TSC1: variants seen among roughly 807,000 people sequenced by gnomAD.
TSC1 encodes TSC complex subunit 1.
Under a neutral mutation model 124.3 loss-of-function variants are expected in TSC1, and 20 were observed. That is an observed-to-expected ratio of 0.16 (90% CI 0.11 to 0.23). TSC1 has a LOEUF of 0.23. TSC1 is among the 10% of genes least tolerant of loss of function. The pLI, the probability that TSC1 is intolerant of heterozygous loss-of-function variation, is 1.00. For missense variants in TSC1, 1,124 were observed against 1,448.5 expected (o/e 0.78, Z 3.64); for synonymous variants, 493 against 539.1 (o/e 0.91, Z 1.19).
intron 5 of TSC1, among the ~76,000 whole-genome samples, 166 bp downstream of exon 5, chr9:132,925,421 C>CT (rs1264411178): frequency 6.6e-6 from 1 of 152,196 alleles, no homozygotes; most frequent in Non-Finnish European, 1.5e-5. Context: ...TATTTGAGAA[C>CT]TTACTAAGTA....
intron 2 of TSC1, among the ~76,000 whole-genome samples, chr9:132,930,068 T>C (rs1847122338): frequency 6.6e-6 from 1 of 152,200 alleles, no homozygotes; most frequent in Admixed American, 6.5e-5. Context: ...CACTTCCTTT[T>C]CTTTCAGTAA....
rs11364856 is a variant in TSC1, at chr9:132,911,625, T to TAAA, written c.914-60_914-58dup. The TAAA allele has an allele frequency of 1.7e-3, 287 of 169,118 alleles. 2 individuals are homozygous for TAAA. Among genetic ancestry groups the TAAA allele is most frequent in the African/African-American group, 4.8e-3 (88 of 18,438 alleles). 10.5% of individuals were successfully genotyped at this position (169,118 alleles called of 1,614,324 possible). On this transcript the variant is annotated intron_variant, in intron 9 of 22. Transcript: ENST00000298552. ...GTGTGTGGTTTTAGGTTATTCTGGT[T>TAAA]AAAAAAAAAAAAAAAAAAAAAAAAA...
At chr9:132,930,852 C>A (rs1847163508) in intron 2 of TSC1, among the ~76,000 whole-genome samples, 1 of 152,132 alleles carries the variant, frequency 6.6e-6, no homozygotes, top group African/African-American at 2.4e-5. Flanking sequence ...AAATAAAAAT[C>A]TTACAAGTAA....
At position 132,907,425 on chromosome 9, in the gene TSC1, C is replaced by T. The variant is rs1453403510; in HGVS notation, c.1264-55G>A. 17 of 1,403,050 alleles carry T rather than the reference C, an allele frequency of 1.2e-5. 1 individual carries two copies. Among genetic ancestry groups the T allele is most frequent in the South Asian group, 8.1e-5 (7 of 86,492 alleles). 86.9% of individuals were successfully genotyped at this position (1,403,050 alleles called of 1,614,324 possible). A position where few individuals can be genotyped will look rare whatever the true frequency, so the allele number is the denominator to read the frequency against. ...AGACGAAAAATGTTGCACATGTTCTCGAGCATATTGTAAAGTAGTTTAAAG... is the reference window on the plus strand; with the variant it reads ...AGACGAAAAATGTTGCACATGTTCTTGAGCATATTGTAAAGTAGTTTAAAG... On this transcript the variant is annotated intron_variant, in intron 12 of 22. Coordinates refer to ENST00000298552, the MANE Select transcript of TSC1 (RefSeq NM_000368.5).
chr9:132,944,584 C>A lies in TSC1; in HGVS notation c.-185G>T. Reference sequence around the variant, plus strand: ...CTCAGCTGTTTACCTCACAGTCCCTCCAGCCTACAGGGCGCCGCCATCTTG... The same window carrying A: ...CTCAGCTGTTTACCTCACAGTCCCTACAGCCTACAGGGCGCCGCCATCTTG... On this transcript the variant is annotated 5_prime_UTR_variant, in exon 1 of 23. The change creates a premature stop within an existing upstream ORF in the 5' untranslated region. Transcript: ENST00000298552. 2.5e-6 allele frequency: 1 copy of A among 398,988 alleles called. No homozygotes were observed. The highest frequency in any genetic ancestry group is 4.4e-6 in the Non-Finnish European group (1 of 226,348). 24.7% of individuals were successfully genotyped at this position (398,988 alleles called of 1,614,324 possible). A position where few individuals can be genotyped will look rare whatever the true frequency, so the allele number is the denominator to read the frequency against.
chr9:132,910,391 C>T lies in TSC1; in HGVS notation c.1263+180G>A, dbSNP rs962084348. ...CTGCCAAAGCAGAGTTTTGGAACCA[C>T]CCAGGGGTCGGCAGATCACACCTTG... On this transcript the variant is annotated intron_variant, in intron 12 of 22. Coordinates refer to ENST00000298552, the MANE Select transcript of TSC1 (RefSeq NM_000368.5). The T allele has an allele frequency of 6.0e-6, 7 of 1,164,802 alleles. No homozygotes were observed. The East Asian group carries it at 7.5e-5, about 12-fold the overall frequency. 72.2% of individuals were successfully genotyped at this position (1,164,802 alleles called of 1,614,324 possible).
At chr9:132,931,951 A>T (rs1354018651) in intron 2 of TSC1, among the ~76,000 whole-genome samples, 1 of 152,200 alleles carries the variant, frequency 6.6e-6, no homozygotes, top group East Asian at 1.9e-4. Flanking sequence ...CTGGCTGAGA[A>T]AAGTCAATTA....
rs899266919 is a variant in TSC1 at position 132,892,078 on chromosome 9, C to T, written c.*4157G>A. On this transcript the variant is annotated 3_prime_UTR_variant, in exon 23 of 23. Transcript: ENST00000298552. ...GCTCGGCTCTTCCAGGCAGGCTTCC[C>T]TTGTAGCTACAGCTACTCTTCCCTC... 1 of 233,072 alleles carries T rather than the reference C, an allele frequency of 4.3e-6. No homozygotes were observed. Among genetic ancestry groups the T allele is most frequent in the Non-Finnish European group, 8.5e-6 (1 of 117,990 alleles). 14.4% of individuals were successfully genotyped at this position (233,072 alleles called of 1,614,324 possible).
intron 5 of TSC1, chr9:132,925,072 A>C (rs1846778123): frequency 6.1e-6 from 1 of 162,832 alleles, no homozygotes; most frequent in Non-Finnish European, 1.3e-5. Flanking sequence ...TAAAACCATA[A>C]AGTTCTATTT....
chr9:132,920,356 G>T (rs1318580232), intron 8 of TSC1, among the ~76,000 whole-genome samples: 1 of 152,162 alleles, frequency 6.6e-6, no homozygotes, highest in African/African-American at 2.4e-5. Context: ...ATGATTAAAA[G>T]CAACAATGGT....
chr9:132,903,721 G>C lies in TSC1; in HGVS notation c.2138C>G (p.Ala713Gly), dbSNP rs1286421874. Residue 713 changes from alanine (A) to glycine (G), a missense_variant, in exon 17 of 23, where the codon GCC becomes GGC. Around this residue, in one of 5 missense-constraint regions of TSC1, gnomAD observed 321 missense variants for 397.4 expected, o/e 0.81. Coordinates refer to ENST00000298552, the MANE Select transcript of TSC1 (RefSeq NM_000368.5). The surrounding 1 kb of genome is among the most constrained non-coding windows in gnomAD (Gnocchi z 5.9). Reference sequence around the variant, plus strand: ...GCGGAGGAGCCGCCTGTTCCGGAGGGCATGCTGCTGCCTCTTAAAACGCTC... The same window carrying C: ...GCGGAGGAGCCGCCTGTTCCGGAGGCCATGCTGCTGCCTCTTAAAACGCTC... ...LYERFKRQQHALRNRRLLRKV... is the reference protein window; with the variant it reads ...LYERFKRQQHGLRNRRLLRKV... The C allele has an allele frequency of 6.2e-7, 1 of 1,613,228 alleles. No individual in the cohort carries two copies. Among genetic ancestry groups the C allele is most frequent in the Non-Finnish European group, 8.5e-7 (1 of 1,180,026 alleles).
At chr9:132,908,758 C>T (rs935280603) in intron 12 of TSC1, among the ~76,000 whole-genome samples, 3 of 151,700 alleles carry the variant, frequency 2.0e-5, no homozygotes, top group South Asian at 2.1e-4. Context: ...AAAAAGTAAA[C>T]GTATGTTGAC....
At chr9:132,897,050 T>G in intron 22 of TSC1, 134 bp downstream of exon 22, 1 of 1,416,626 alleles carries the variant, frequency 7.1e-7, no homozygotes, top group Non-Finnish European at 9.9e-7. Context: ...TCAGAGTGGG[T>G]CTCTGACACG....
intron 4 of TSC1, chr9:132,926,834 C>T: frequency 3.2e-6 from 1 of 310,918 alleles, no homozygotes; most frequent in Non-Finnish European, 6.2e-6. Flanking sequence ...ACCACCACGC[C>T]CAGCTAATTT....
chr9:132,935,832 AAATG>A (rs1483935275), intron 1 of TSC1, among the ~76,000 whole-genome samples: 1 of 152,200 alleles, frequency 6.6e-6, no homozygotes, highest in East Asian at 1.9e-4. Context: ...ATCTCAGCTT[AAATG>A]CTCACTTCCT....
At chr9:132,911,256 G>A (rs981445973) in intron 10 of TSC1, 143 bp from the exon 11 acceptor site, 6 of 831,614 alleles carry the variant, frequency 7.2e-6, no homozygotes, top group East Asian at 5.2e-5. Flanking sequence ...CAAGAAACAA[G>A]TTGCATTTTG....
intron 5 of TSC1, 85 bp downstream of exon 5, chr9:132,925,502 T>C (rs1564501488): frequency 1.9e-6 from 3 of 1,550,844 alleles, no homozygotes; most frequent in East Asian, 2.2e-5. Flanking sequence ...AAAGTTAAAA[T>C]CTAGCTTCCT....
At chr9:132,927,520 C>CTT (rs1846945413) in intron 3 of TSC1, among the ~76,000 whole-genome samples, 1 of 112,450 alleles carries the variant, frequency 8.9e-6, no homozygotes, top group African/African-American at 3.3e-5. Context: ...ATTTTTATTG[C>CTT]CTTTTTTTTT....
In TSC1 at chr9:132,921,264, C is replaced by T; in HGVS notation, c.737+99G>A. 2.4e-6 allele frequency: 3 copies of T among 1,276,260 alleles called. No homozygotes were observed. Among genetic ancestry groups the T allele is most frequent in the South Asian group, 1.2e-5 (1 of 80,102 alleles). The allele number at this position is 1,276,260 out of a possible 1,614,324, so 79.1% of individuals were successfully genotyped here. On this transcript the variant is annotated intron_variant, in intron 8 of 22. Coordinates refer to ENST00000298552, the MANE Select transcript of TSC1 (RefSeq NM_000368.5). This position sits in a 1 kb window ranked among gnomAD's most constrained non-coding sequence, Gnocchi z 4.3. ...AAGTGGACTGATTCTGTAAGTAGAA[C>T]ATCTATATTCCCAAATATACCTCAA...
Sources: allele counts gnomAD v4.1 joint callset (sites outside exome capture counted in the v4.1 genomes callset), GRCh38; gene constraint gnomAD v4.1.1; regional missense constraint gnomAD v4.1.1; non-coding constraint Gnocchi (gnomAD v3.1); transcripts MANE v1.5; gene names NCBI Gene and HGNC (gene_info 2026-07-23, HGNC 2026-07-21).